The following TIGAR variants were observed in gnomAD, a reference collection of about 807,000 sequenced individuals.
The protein encoded by TIGAR is TP53 induced glycolysis regulatory phosphatase.
A neutral mutation model predicts 17.9 loss-of-function variants in TIGAR; 7 were observed. The observed-to-expected ratio is 0.39, with a 90% CI of 0.22 to 0.73. The LOEUF (loss-of-function observed/expected upper bound fraction) is 0.73. TIGAR is among the 30% of genes least tolerant of loss of function. The probability of loss-of-function intolerance (pLI) is 0.42; values close to 1 mark genes in which losing one functional copy is unlikely to be tolerated. For synonymous variants in TIGAR, 94 were observed against 108.6 expected (o/e 0.87, Z 0.84); for missense variants, 258 against 327.4 (o/e 0.79, Z 1.64).
chr12:4,349,807 C>T lies in TIGAR; in HGVS notation c.193-12C>T. 1 of 1,565,968 alleles carries T rather than the reference C, an allele frequency of 6.4e-7. No individual in the cohort carries two copies. The highest frequency in any genetic ancestry group is 8.7e-7 in the Non-Finnish European group (1 of 1,154,980). On this transcript the variant is annotated splice_polypyrimidine_tract_variant and intron_variant, in intron 3 of 5. Transcript: ENST00000179259. ...TTTTTATAAAGAAAGAAACAATTGT[C>T]TTGATTTTCAGACCATGCATGGAAT...
In TIGAR at chr12:4,352,411, C is replaced by G; in HGVS notation, c.533C>G (p.Ser178Cys). ...TTTCCTTTAGGAAAAAATCACAGCT[C>G]TAAAGTTAATTCAGACAGCGGTATT... ...EIFPLGKNHS[S>C]KVNSDSGIPG... The change falls in exon 6 of 6, where the codon TCT becomes TGT. Residue 178 changes from serine to cysteine, a missense_variant. Transcript: ENST00000179259. 6.2e-7 allele frequency: 1 copy of G among 1,614,130 alleles called. No homozygotes were observed. Among genetic ancestry groups the G allele is most frequent in the Non-Finnish European group, 8.5e-7 (1 of 1,180,020 alleles).
At chr12:4,342,544 A>T (rs1427735254) in intron 3 of TIGAR, among the ~76,000 whole-genome samples, 1 of 152,042 alleles carries the variant, frequency 6.6e-6, no homozygotes, top group Non-Finnish European at 1.5e-5. Context: ...TCTCTTGGTA[A>T]AAACTCTACA....
chr12:4,339,580 C>G (rs1360760000), intron 3 of TIGAR, among the ~76,000 whole-genome samples: 2 of 152,128 alleles, frequency 1.3e-5, no homozygotes, highest in African/African-American at 4.8e-5. Flanking sequence ...CAAAACCAGA[C>G]AGACACATTA....
chr12:4,349,285 A>G (rs969320769), intron 3 of TIGAR, among the ~76,000 whole-genome samples: 2 of 152,204 alleles, frequency 1.3e-5, no homozygotes, highest in African/African-American at 4.8e-5. Flanking sequence ...AAAGCAGATG[A>G]TGGTCTGGAT....
intron 4 of TIGAR, among the ~76,000 whole-genome samples, chr12:4,350,791 GAAAA>G (rs998889883): frequency 6.8e-6 from 1 of 146,906 alleles, no homozygotes; most frequent in Non-Finnish European, 1.5e-5. Flanking sequence ...AAAAAAAAAA[GAAAA>G]AAAAAGAAAT....
chr12:4,328,547 G>A (rs898275809), intron 1 of TIGAR, among the ~76,000 whole-genome samples: 2 of 150,656 alleles, frequency 1.3e-5, no homozygotes, highest in African/African-American at 4.9e-5. Flanking sequence ...AGTGCTGTTG[G>A]TTTTTTACCA....
Position 4,356,126 on chromosome 12 carries a change from G to A in TIGAR, c.*3435G>A, listed in dbSNP as rs1370886991. Among the ~76,000 whole-genome samples the A allele has an allele frequency of 6.6e-6, 1 of 152,156 alleles. No homozygotes were observed. The highest frequency in any genetic ancestry group is 6.5e-5 in the Admixed American group (1 of 15,284). On this transcript the variant is annotated 3_prime_UTR_variant, in exon 6 of 6. Transcript: ENST00000179259. ...TGCAATGTGGAGAGCAGGCTGTAGG[G>A]GGTGCTATAGGAGCACAAGGTTGGA...
chr12:4,324,612 C>G lies in TIGAR; in HGVS notation c.32+3309C>G. 4.5e-6 allele frequency: 7 copies of G among 1,561,410 alleles called. No individual in the cohort carries two copies. In the South Asian group the frequency reaches 6.9e-5, roughly 15 times the overall value. On this transcript the variant is annotated intron_variant, in intron 1 of 5. Coordinates refer to ENST00000179259, the MANE Select transcript of TIGAR (RefSeq NM_020375.3). Reference sequence around the variant, plus strand: ...CTTCCGGCTTCTCCATGGGCGGTGCCTCCTTCTTGGCCTTGCGCAGGCGCT... The same window carrying G: ...CTTCCGGCTTCTCCATGGGCGGTGCGTCCTTCTTGGCCTTGCGCAGGCGCT...
rs896295688 is a variant in TIGAR, at chr12:4,358,460, T to C, written c.*5769T>C. Among the ~76,000 whole-genome samples, 5 of 152,186 alleles carry C rather than the reference T, an allele frequency of 3.3e-5. No individual in the cohort carries two copies. The highest frequency in any genetic ancestry group is 2.1e-4 in the South Asian group (1 of 4,834). On this transcript the variant is annotated 3_prime_UTR_variant, in exon 6 of 6. Transcript: ENST00000179259. ...AATGGCTGTATACTCTTCACACTTA[T>C]TCACCACTTGCTTACCTGTTGTCCC...
At chr12:4,329,873 TA>T (rs1296426625) in intron 1 of TIGAR, among the ~76,000 whole-genome samples, 1 of 152,066 alleles carries the variant, frequency 6.6e-6, no homozygotes, top group Non-Finnish European at 1.5e-5. Context: ...GACACAGAGC[TA>T]AAAAGTCAAT....
At chr12:4,336,418 TTGTA>T (rs1864658052) in intron 2 of TIGAR, among the ~76,000 whole-genome samples, 1 of 150,912 alleles carries the variant, frequency 6.6e-6, no homozygotes, top group Non-Finnish European at 1.5e-5. Flanking sequence ...TGGAGATTTT[TTGTA>T]TGTTCTGTGG....
chr12:4,321,420 G>C lies in TIGAR; in HGVS notation c.32+117G>C, dbSNP rs1310358707. 3 of 1,476,240 alleles carry C rather than the reference G, an allele frequency of 2.0e-6. No homozygotes were observed. The African/African-American group carries it at 4.2e-5, about 21-fold the overall frequency. The allele number at this position is 1,476,240 out of a possible 1,614,324, so 91.4% of individuals were successfully genotyped here. ...CTCCCTGCTCGCTCCAGCCCGGGAG[G>C]GCTGGCTTGGAAGCGCTTTTTCCGG... On this transcript the variant is annotated intron_variant, in intron 1 of 5. Transcript: ENST00000179259. This position sits in a 1 kb window ranked among gnomAD's most constrained non-coding sequence, Gnocchi z 5.2.
Position 4,349,790 on chromosome 12 carries a change from A to G in TIGAR, c.193-29A>G, listed in dbSNP as rs1864818010. ...CACCAGAATGGTGATTATTTTTATAAAGAAAGAAACAATTGTCTTGATTTT... is the reference window on the plus strand; with the variant it reads ...CACCAGAATGGTGATTATTTTTATAGAGAAAGAAACAATTGTCTTGATTTT... On this transcript the variant is annotated intron_variant, in intron 3 of 5. Transcript: ENST00000179259. The G allele has an allele frequency of 2.0e-6, 3 of 1,518,016 alleles. No homozygotes were observed. The South Asian group carries it at 3.7e-5, about 19-fold the overall frequency. The allele number at this position is 1,518,016 out of a possible 1,614,324, so 94.0% of individuals were successfully genotyped here.
chr12:4,352,708 A>G lies in TIGAR; in HGVS notation c.*17A>G. 2.5e-6 allele frequency: 4 copies of G among 1,588,054 alleles called. No homozygotes were observed. The highest frequency in any genetic ancestry group is 3.4e-6 in the Non-Finnish European group (4 of 1,172,810). On this transcript the variant is annotated 3_prime_UTR_variant, in exon 6 of 6. Transcript: ENST00000179259. ...ACTCGCTAAGGTTAAATCTGCATCA[A>G]AATCTAACCATTTTGAGCCTCTGAA...
At chr12:4,332,220 TTCAAGGC>T (rs1193714330) in intron 2 of TIGAR, among the ~76,000 whole-genome samples, 1 of 149,190 alleles carries the variant, frequency 6.7e-6, no homozygotes, top group African/African-American at 2.5e-5. Flanking sequence ...TGTATAAGCA[TTCAAGGC>T]TCATGTATTT....
intron 1 of TIGAR, among the ~76,000 whole-genome samples, chr12:4,327,594 T>C (rs1309794189): frequency 6.6e-6 from 1 of 152,166 alleles, no homozygotes; most frequent in African/African-American, 2.4e-5. Flanking sequence ...TCTCAAATTA[T>C]GTTGTAGTTT....
intron 1 of TIGAR, among the ~76,000 whole-genome samples, chr12:4,324,101 G>A (rs1864509525): frequency 6.6e-6 from 1 of 152,214 alleles, no homozygotes; most frequent in East Asian, 1.9e-4. Context: ...AAGTACCAGT[G>A]TGTATCATTT....
intron 1 of TIGAR, among the ~76,000 whole-genome samples, chr12:4,330,179 T>TA (rs992885333): frequency 3.9e-5 from 6 of 152,298 alleles, no homozygotes; most frequent in Non-Finnish European, 8.8e-5. Flanking sequence ...TAGATCTGAG[T>TA]AAATCAGTCC....
At chr12:4,350,356 CA>C (rs1864824965) in intron 4 of TIGAR, among the ~76,000 whole-genome samples, 1 of 152,116 alleles carries the variant, frequency 6.6e-6, no homozygotes, top group Non-Finnish European at 1.5e-5. Context: ...TACATATTGC[CA>C]AGTTGCCTTC....
Sources: gnomAD v4.1 joint callset for allele counts (sites outside exome capture counted in the v4.1 genomes callset) on GRCh38, gnomAD v4.1.1 for gene constraint, Gnocchi (gnomAD v3.1) non-coding constraint, MANE v1.5 for transcripts, NCBI Gene and HGNC (gene_info 2026-07-23, HGNC 2026-07-21) for gene names.